Variants in NPBWR1 observed in about 807,000 individuals in gnomAD.
NPBWR1 encodes neuropeptides B/W receptor type 1.
In NPBWR1, 4 loss-of-function variants were observed where a neutral mutation model predicts 2.8. That is an observed-to-expected ratio of 1.44 (90% confidence interval 0.71 to 3.29). The LOEUF (loss-of-function observed/expected upper bound fraction) is 3.29. Ranked by LOEUF, NPBWR1 falls within the 30% of genes most tolerant of loss-of-function variation. NPBWR1 has a pLI of 0.01. For synonymous variants in NPBWR1, 250 were observed against 224.5 expected (o/e 1.11, Z -1.02); for missense variants, 545 against 462.5 (o/e 1.18, Z -1.64).
Position 52,940,527 on chromosome 8 carries a change from C to T in NPBWR1, c.620C>T (p.Thr207Met), listed in dbSNP as rs1189726218. Reference protein sequence around the residue: ...AFWWRASRLYTLVLGFAIPVS... With the variant: ...AFWWRASRLYMLVLGFAIPVS... ...TGGTGGCGCGCGAGCCGCCTCTACA[C>T]GCTCGTGCTGGGCTTCGCCATCCCC... Residue 207 changes from threonine (T) to methionine (M), a missense_variant, in exon 2 of 2, where the codon ACG becomes ATG. Transcript: ENST00000674939. 1 of 1,594,208 alleles carries T rather than the reference C, an allele frequency of 6.3e-7. No homozygotes were observed. Among genetic ancestry groups the T allele is most frequent in the Non-Finnish European group, 8.5e-7 (1 of 1,173,780 alleles).
In NPBWR1 at chr8:52,940,660, C is replaced by T. The variant is rs909011928; in HGVS notation, c.753C>T (p.Phe251=). The T allele has an allele frequency of 6.2e-7, 1 of 1,611,826 alleles. No individual in the cohort carries two copies. Among genetic ancestry groups the T allele is most frequent in the African/African-American group, 1.3e-5 (1 of 74,930 alleles). The change falls in exon 2 of 2, where the codon TTC becomes TTT. Residue 251 remains phenylalanine (F), a synonymous_variant. Transcript: ENST00000674939. ...ALERAKKRVT[F]LVVAILAVCL... ...AGCGCGCCAAGAAGCGGGTGACCTT[C>T]CTGGTGGTGGCAATCCTGGCGGTGT... is the stretch of plus-strand genomic sequence containing the variant.
rs749179355 is a variant in NPBWR1, at chr8:52,940,498, C to T, written c.591C>T (p.Ala197=). 1.3e-6 allele frequency: 2 copies of T among 1,584,658 alleles called. No homozygotes were observed. Among genetic ancestry groups the T allele is most frequent in the East Asian group, 2.3e-5 (1 of 43,232 alleles). Reference sequence around the variant, plus strand: ...TGCTAGTCTTTCCGCAGCCCGAGGCCTTCTGGTGGCGCGCGAGCCGCCTCT... The same window carrying T: ...TGCTAGTCTTTCCGCAGCCCGAGGCTTTCTGGTGGCGCGCGAGCCGCCTCT... The part of the protein sequence containing the change: ...QCVLVFPQPE[A]FWWRASRLYT... The change falls in exon 2 of 2, where the codon GCC becomes GCT. Residue 197 remains alanine (A), a synonymous_variant. Transcript: ENST00000674939.
chr8:52,941,229 C>CA lies in NPBWR1; in HGVS notation c.*335_*336insA. 3.7e-6 allele frequency: 1 copy of CA among 270,214 alleles called. No individual in the cohort carries two copies. The highest frequency in any genetic ancestry group is 7.7e-5 in the East Asian group (1 of 12,940). The allele number at this position is 270,214 out of a possible 1,614,324, so 16.7% of individuals were successfully genotyped here. A position where few individuals can be genotyped will look rare whatever the true frequency, so the allele number is the denominator to read the frequency against. On this transcript the variant is annotated 3_prime_UTR_variant, in exon 2 of 2. Transcript: ENST00000674939. ...CCCTCCCTGCCCTGCTCCCTGCTGC[C>CA]CCACCCGAGCCCTGGCAGTCTGGAA...
At position 52,942,622 on chromosome 8, in the gene NPBWR1, A is replaced by C. The variant is rs1388372585; in HGVS notation, c.*1728A>C. Among the ~76,000 whole-genome samples the C allele has an allele frequency of 6.6e-6, 1 of 152,172 alleles. No homozygotes were observed. The highest frequency in any genetic ancestry group is 1.5e-5 in the Non-Finnish European group (1 of 68,030). On this transcript the variant is annotated 3_prime_UTR_variant, in exon 2 of 2. Coordinates refer to ENST00000674939, the MANE Select transcript of NPBWR1 (RefSeq NM_005285.5). ...AGGTTGAAAATAGCTTTTAATAAAT[A>C]TTTGGAAGGAAAAAACTCCCCCTTG...
chr8:52,940,735 C>T lies in NPBWR1; in HGVS notation c.828C>T (p.Thr276=). 6.2e-7 allele frequency: 1 copy of T among 1,613,860 alleles called. No homozygotes were observed. Among genetic ancestry groups the T allele is most frequent in the Non-Finnish European group, 8.5e-7 (1 of 1,179,998 alleles). The stretch of plus-strand genomic sequence containing the variant: ...ACCTGAGCACCGTGGTGGCGCTCAC[C>T]ACCGACCTCCCGCAGACGCCGCTGG... ...PYHLSTVVAL[T]TDLPQTPLVI... is the part of the protein sequence containing the mutation. The change falls in exon 2 of 2, where the codon ACC becomes ACT. Residue 276 remains threonine (T), a synonymous_variant. Transcript: ENST00000674939.
rs757012389 is a variant in NPBWR1 at position 52,940,661 on chromosome 8, C to G, written c.754C>G (p.Leu252Val). 9 of 1,612,008 alleles carry G rather than the reference C, an allele frequency of 5.6e-6. No individual in the cohort carries two copies. Among genetic ancestry groups the G allele is most frequent in the Non-Finnish European group, 5.9e-6 (7 of 1,179,790 alleles). Residue 252 changes from leucine to valine, a missense_variant, in exon 2 of 2, where the codon CTG becomes GTG. Leu to Val is a conservative substitution (Grantham distance 32). Coordinates refer to ENST00000674939, the MANE Select transcript of NPBWR1 (RefSeq NM_005285.5). ...LERAKKRVTF[L>V]VVAILAVCLL... ...GCGCGCCAAGAAGCGGGTGACCTTCCTGGTGGTGGCAATCCTGGCGGTGTG... is the reference window on the plus strand; with the variant it reads ...GCGCGCCAAGAAGCGGGTGACCTTCGTGGTGGTGGCAATCCTGGCGGTGTG...
In NPBWR1 at chr8:52,940,327, C is replaced by T. The variant is rs1445086251; in HGVS notation, c.420C>T (p.Ala140=). 1.2e-6 allele frequency: 2 copies of T among 1,611,630 alleles called. No individual in the cohort carries two copies. Among genetic ancestry groups the T allele is most frequent in the African/African-American group, 2.7e-5 (2 of 74,944 alleles). Residue 140 remains alanine (A), a synonymous_variant, in exon 2 of 2, where the codon GCC becomes GCT. Transcript: ENST00000674939. Reference sequence around the variant, plus strand: ...CCGACCGCTACCTGGTGGTGTTGGCCACTGCGGAGTCGCGCCGGGTGGCCG... The same window carrying T: ...CCGACCGCTACCTGGTGGTGTTGGCTACTGCGGAGTCGCGCCGGGTGGCCG... ...MSADRYLVVL[A]TAESRRVAGR...
In NPBWR1 at chr8:52,943,473, T is replaced by A. The variant is rs572131226; in HGVS notation, c.*2579T>A. ...GTAATCGGTTGAATAAATACACACATAAGCCAGGCAAAAGTAGAATTTATT... is the reference window on the plus strand; with the variant it reads ...GTAATCGGTTGAATAAATACACACAAAAGCCAGGCAAAAGTAGAATTTATT... On this transcript the variant is annotated 3_prime_UTR_variant, in exon 2 of 2. Coordinates refer to ENST00000674939, the MANE Select transcript of NPBWR1 (RefSeq NM_005285.5). Among the ~76,000 whole-genome samples, 9 of 152,356 alleles carry A rather than the reference T, an allele frequency of 5.9e-5. No homozygotes were observed. In the South Asian group the frequency reaches 1.2e-3, roughly 21 times the overall value.
In NPBWR1 at chr8:52,940,117, C is replaced by G. The variant is rs1452583156; in HGVS notation, c.210C>G (p.Thr70=). The G allele has an allele frequency of 1.9e-6, 3 of 1,612,980 alleles. No individual in the cohort carries two copies. The highest frequency in any genetic ancestry group is 3.3e-5 in the Admixed American group (2 of 60,018). Residue 70 remains threonine, a synonymous_variant, in exon 2 of 2, where the codon ACC becomes ACG. Coordinates refer to ENST00000674939, the MANE Select transcript of NPBWR1 (RefSeq NM_005285.5). ...YVLLRAPRMK[T]VTNLFILNLA... ...TGCTGCGGGCGCCCCGCATGAAGACCGTCACCAACCTGTTCATCCTCAACC... is the reference window on the plus strand; with the variant it reads ...TGCTGCGGGCGCCCCGCATGAAGACGGTCACCAACCTGTTCATCCTCAACC...
In NPBWR1 at chr8:52,940,332, C is replaced by T. The variant is rs776507864; in HGVS notation, c.425C>T (p.Ala142Val). ...ADRYLVVLATAESRRVAGRTY... is the reference protein window; with the variant it reads ...ADRYLVVLATVESRRVAGRTY... ...CGCTACCTGGTGGTGTTGGCCACTG[C>T]GGAGTCGCGCCGGGTGGCCGGCCGC... The change falls in exon 2 of 2, where the codon GCG (alanine) becomes GTG (valine). Residue 142 changes from alanine to valine, a missense_variant. Transcript: ENST00000674939. 8.1e-6 allele frequency: 13 copies of T among 1,610,900 alleles called. No homozygotes were observed. Among genetic ancestry groups the T allele is most frequent in the Non-Finnish European group, 1.1e-5 (13 of 1,179,856 alleles).
In NPBWR1 at chr8:52,942,396, C is replaced by A. The variant is rs2128778404; in HGVS notation, c.*1502C>A. Among the ~76,000 whole-genome samples the A allele has an allele frequency of 6.6e-6, 1 of 152,346 alleles. No individual in the cohort carries two copies. Among genetic ancestry groups the A allele is most frequent in the African/African-American group, 2.4e-5 (1 of 41,582 alleles). Reference sequence around the variant, plus strand: ...CAATCCTCTGCAGTTTAGCCTTAGACATGAGGGCCGAACCCTAAGCAAAGT... The same window carrying A: ...CAATCCTCTGCAGTTTAGCCTTAGAAATGAGGGCCGAACCCTAAGCAAAGT... On this transcript the variant is annotated 3_prime_UTR_variant, in exon 2 of 2. Coordinates refer to ENST00000674939, the MANE Select transcript of NPBWR1 (RefSeq NM_005285.5).
In NPBWR1 at chr8:52,939,827, A is replaced by G; in HGVS notation, c.-81A>G. On this transcript the variant is annotated 5_prime_UTR_variant, in exon 2 of 2. Coordinates refer to ENST00000674939, the MANE Select transcript of NPBWR1 (RefSeq NM_005285.5). ...CGAGCGTCCGCGAGCAGGTCCGTGC[A>G]GAACCGGGCTTCAGGACCGCTGAGC... 7 of 1,406,640 alleles carry G rather than the reference A, an allele frequency of 5.0e-6. No individual in the cohort carries two copies. The highest frequency in any genetic ancestry group is 5.6e-6 in the Non-Finnish European group (6 of 1,072,702). The allele number at this position is 1,406,640 out of a possible 1,614,324, so 87.1% of individuals were successfully genotyped here.
rs1860175948 is a variant in NPBWR1, at chr8:52,940,477, A to G, written c.570A>G (p.Leu190=). The stretch of plus-strand genomic sequence containing the variant: ...AGCAGGGCCGGCGCCAGTGCGTGCT[A>G]GTCTTTCCGCAGCCCGAGGCCTTCT... The part of the protein sequence containing the change: ...DDEQGRRQCV[L]VFPQPEAFWW... The change falls in exon 2 of 2, where the codon CTA becomes CTG. Residue 190 remains leucine (L), a synonymous_variant. Coordinates refer to ENST00000674939, the MANE Select transcript of NPBWR1 (RefSeq NM_005285.5). 6.3e-7 allele frequency: 1 copy of G among 1,586,452 alleles called. No individual in the cohort carries two copies. Among genetic ancestry groups the G allele is most frequent in the Non-Finnish European group, 8.5e-7 (1 of 1,171,726 alleles).
rs906511621 is a variant in NPBWR1, at chr8:52,943,514, C to G, written c.*2620C>G. On this transcript the variant is annotated 3_prime_UTR_variant, in exon 2 of 2. Coordinates refer to ENST00000674939, the MANE Select transcript of NPBWR1 (RefSeq NM_005285.5). Reference sequence around the variant, plus strand: ...AGAATTTATTCACATCATTGTATTGCAAAGGTTTTAACACTGTGTTGAATT... The same window carrying G: ...AGAATTTATTCACATCATTGTATTGGAAAGGTTTTAACACTGTGTTGAATT... Among the ~76,000 whole-genome samples the G allele has an allele frequency of 6.6e-6, 1 of 152,134 alleles. No individual in the cohort carries two copies. The highest frequency in any genetic ancestry group is 2.4e-5 in the African/African-American group (1 of 41,418).
chr8:52,940,152 C>CCGA lies in NPBWR1; in HGVS notation c.249_251dup (p.Asp83dup). 1 of 1,613,566 alleles carries CCGA rather than the reference C, an allele frequency of 6.2e-7. No individual in the cohort carries two copies. Among genetic ancestry groups the CCGA allele is most frequent in the Non-Finnish European group, 8.5e-7 (1 of 1,179,992 alleles). ...CTGTTCATCCTCAACCTGGCCATCG[C>CCGA]CGACGAGCTCTTCACGCTGGTGCTG... On this transcript the variant is annotated inframe_insertion, in exon 2 of 2. Coordinates refer to ENST00000674939, the MANE Select transcript of NPBWR1 (RefSeq NM_005285.5).
chr8:52,940,547 A>G lies in NPBWR1; in HGVS notation c.640A>G (p.Ile214Val), dbSNP rs762141186. Residue 214 changes from isoleucine to valine, a missense_variant, in exon 2 of 2, where the codon ATC becomes GTC. Transcript: ENST00000674939. The stretch of plus-strand genomic sequence containing the variant: ...CTACACGCTCGTGCTGGGCTTCGCC[A>G]TCCCCGTGTCCACCATCTGTGTCCT... ...RLYTLVLGFA[I>V]PVSTICVLYT... The G allele has an allele frequency of 6.3e-7, 1 of 1,597,182 alleles. No individual in the cohort carries two copies. Among genetic ancestry groups the G allele is most frequent in the South Asian group, 1.1e-5 (1 of 89,356 alleles).
rs1585514078 is a variant in NPBWR1, at chr8:52,943,321, T to A, written c.*2427T>A. Among the ~76,000 whole-genome samples, 1 of 152,216 alleles carries A rather than the reference T, an allele frequency of 6.6e-6. No homozygotes were observed. Among genetic ancestry groups the A allele is most frequent in the East Asian group, 1.9e-4 (1 of 5,198 alleles). ...GAGTATGCCTGTGGGATTAATCAGG[T>A]CTCAGCAGTTGAGTTCCTCCTGGGC... On this transcript the variant is annotated 3_prime_UTR_variant, in exon 2 of 2. Coordinates refer to ENST00000674939, the MANE Select transcript of NPBWR1 (RefSeq NM_005285.5).
In NPBWR1 at chr8:52,940,816, C is replaced by T; in HGVS notation, c.909C>T (p.Asn303=). Residue 303 remains asparagine (N), a synonymous_variant, in exon 2 of 2, where the codon AAC becomes AAT. Coordinates refer to ENST00000674939, the MANE Select transcript of NPBWR1 (RefSeq NM_005285.5). The part of the protein sequence containing the change: ...TSLSYANSCL[N]PFLYAFLDAS... ...TGAGCTACGCCAACAGCTGCCTCAA[C>T]CCCTTCCTCTACGCCTTCCTGGACG... 1 of 1,614,124 alleles carries T rather than the reference C, an allele frequency of 6.2e-7. No individual in the cohort carries two copies. The highest frequency in any genetic ancestry group is 8.5e-7 in the Non-Finnish European group (1 of 1,180,006).
At position 52,940,741 on chromosome 8, in the gene NPBWR1, C is replaced by A; in HGVS notation, c.834C>A (p.Asp278Glu). Residue 278 changes from aspartate to glutamate, a missense_variant, in exon 2 of 2, where the codon GAC (aspartate) becomes GAA (glutamate). Coordinates refer to ENST00000674939, the MANE Select transcript of NPBWR1 (RefSeq NM_005285.5). ...GCACCGTGGTGGCGCTCACCACCGA[C>A]CTCCCGCAGACGCCGCTGGTCATCG... is the stretch of plus-strand genomic sequence containing the variant. ...HLSTVVALTTDLPQTPLVIAI... is the reference protein window; with the variant it reads ...HLSTVVALTTELPQTPLVIAI... 5.0e-6 allele frequency: 8 copies of A among 1,613,958 alleles called. No individual in the cohort carries two copies. Among genetic ancestry groups the A allele is most frequent in the Non-Finnish European group, 6.8e-6 (8 of 1,179,992 alleles).
Sources: allele counts gnomAD v4.1 joint callset (sites outside exome capture counted in the v4.1 genomes callset), GRCh38; gene constraint gnomAD v4.1.1; transcripts MANE v1.5; gene names NCBI Gene and HGNC (gene_info 2026-07-23, HGNC 2026-07-21).